ASIC2: variants seen among roughly 807,000 people sequenced by gnomAD.
ASIC2 encodes acid sensing ion channel subunit 2.
Under a neutral mutation model 57.3 loss-of-function variants are expected in ASIC2, and 25 were observed. The observed-to-expected ratio is 0.44, with a 90% CI of 0.32 to 0.61. The LOEUF (loss-of-function observed/expected upper bound fraction) is 0.61, where lower values mean the gene tolerates loss of function less well. ASIC2 is among the 20% of genes least tolerant of loss of function. The pLI, the probability that ASIC2 is intolerant of heterozygous loss-of-function variation, is 0.06. For synonymous variants in ASIC2, 319 were observed against 307.5 expected, an observed-to-expected ratio of 1.04 and a Z score of -0.39; for missense variants, 641 against 738.1, an observed-to-expected ratio of 0.87 and a Z score of 1.52.
intron 1 of ASIC2, among the ~76,000 whole-genome samples, chr17:33,390,106 A>G (rs1909836807): frequency 2.0e-5 from 3 of 152,030 alleles, no homozygotes; most frequent in Non-Finnish European, 4.4e-5. Flanking sequence ...TGAGGTCAGG[A>G]GTTTGAGACT....
chr17:33,087,237 G>T (rs2092137830), intron 3 of ASIC2, among the ~76,000 whole-genome samples: 1 of 152,086 alleles, frequency 6.6e-6, no homozygotes, highest in African/African-American at 2.4e-5. Context: ...CTTGAACTTT[G>T]CCCCTGCCAT....
chr17:33,380,455 C>T (rs930303973), intron 1 of ASIC2, among the ~76,000 whole-genome samples: 1 of 152,116 alleles, frequency 6.6e-6, no homozygotes, highest in Admixed American at 6.5e-5. Flanking sequence ...TTACCTTCAT[C>T]TTATGCAGGA....
chr17:33,694,331 C>T (rs1051402181), intron 1 of ASIC2, among the ~76,000 whole-genome samples: 1 of 152,206 alleles, frequency 6.6e-6, no homozygotes, highest in African/African-American at 2.4e-5. Context: ...GCCCTGATGT[C>T]TTACCCTGGG....
intron 1 of ASIC2, among the ~76,000 whole-genome samples, chr17:33,421,024 A>G (rs1435207913): frequency 6.6e-6 from 1 of 152,204 alleles, no homozygotes; most frequent in Non-Finnish European, 1.5e-5. Flanking sequence ...GAAAGCACTC[A>G]TGTAATGGAG....
At chr17:33,659,826 C>T (rs374949599) in intron 1 of ASIC2, among the ~76,000 whole-genome samples, 66 of 151,492 alleles carry the variant, frequency 4.4e-4, no homozygotes, top group African/African-American at 1.6e-3. Context: ...GAGCCGAGAT[C>T]GCGCCACTGC....
At chr17:33,106,710 G>A (rs940734683) in intron 2 of ASIC2, among the ~76,000 whole-genome samples, 3 of 152,030 alleles carry the variant, frequency 2.0e-5, no homozygotes, top group African/African-American at 4.8e-5. Flanking sequence ...GTCCAGGGGC[G>A]GGCACCTGAC....
At chr17:33,430,239 A>G (rs566740825) in intron 1 of ASIC2, among the ~76,000 whole-genome samples, 2 of 152,180 alleles carry the variant, frequency 1.3e-5, no homozygotes, top group East Asian at 3.9e-4. Flanking sequence ...TCTCTTATGA[A>G]CTGCATCCAC....
At chr17:33,266,723 T>A (rs1029719480) in intron 1 of ASIC2, among the ~76,000 whole-genome samples, 2 of 152,104 alleles carry the variant, frequency 1.3e-5, no homozygotes, top group Non-Finnish European at 2.9e-5. Context: ...TGCCTTTTAA[T>A]TATTCAATGA....
At chr17:33,202,314 G>A (rs1906899642) in intron 1 of ASIC2, among the ~76,000 whole-genome samples, 1 of 152,242 alleles carries the variant, frequency 6.6e-6, no homozygotes, top group African/African-American at 2.4e-5. Context: ...TGCGTGATGA[G>A]TTTGGGAGGG....
chr17:34,110,543 G>A lies in ASIC2; in HGVS notation c.555+45435C>T, dbSNP rs12940995. On this transcript the variant is annotated intron_variant, in intron 1 of 9. Coordinates refer to the ASIC2 transcript ENST00000359872. ...GCTGCCCTGGGCTGTAGCTGCAGAG[G>A]GCTGGCTGGGGAGGGAGGGCTCAGC... Among the ~76,000 whole-genome samples, 952 of 152,290 alleles carry A rather than the reference G, an allele frequency of 6.3e-3. 15 individuals are homozygous for A. Among genetic ancestry groups the A allele is most frequent in the African/African-American group, 0.022 (914 of 41,560 alleles).
chr17:33,526,532 T>C (rs1486113645), intron 1 of ASIC2, among the ~76,000 whole-genome samples: 1 of 152,188 alleles, frequency 6.6e-6, no homozygotes, highest in East Asian at 1.9e-4. Context: ...GGGCTTTCTC[T>C]CCACTTGTTT....
In ASIC2 at chr17:33,606,819, C is replaced by T. The variant is rs937342864; in HGVS notation, c.556-494752G>A. Among the ~76,000 whole-genome samples the T allele has an allele frequency of 9.8e-5, 15 of 152,316 alleles. 1 individual carries two copies. Among genetic ancestry groups the T allele is most frequent in the Middle Eastern group, 3.4e-3 (1 of 294 alleles). The stretch of plus-strand genomic sequence containing the variant: ...GAAGGCAAGATGCCAACAAAGGGGG[C>T]TGAGAACTCCAACCCAGGGTCTGGA... On this transcript the variant is annotated intron_variant, in intron 1 of 9. Coordinates refer to the ASIC2 transcript ENST00000359872.
chr17:33,964,148 C>A (rs980057550), intron 1 of ASIC2, among the ~76,000 whole-genome samples: 2 of 152,226 alleles, frequency 1.3e-5, no homozygotes, highest in African/African-American at 4.8e-5. Context: ...TCCCTGGAAA[C>A]CACTACCCAT....
intron 1 of ASIC2, among the ~76,000 whole-genome samples, chr17:33,871,963 G>T (rs997125153): frequency 1.3e-5 from 2 of 151,992 alleles, no homozygotes; most frequent in African/African-American, 4.8e-5. Flanking sequence ...CAAGGAGGGG[G>T]CTCATGTTCT....
intron 1 of ASIC2, among the ~76,000 whole-genome samples, chr17:33,268,152 T>C (rs1909543541): frequency 6.6e-6 from 1 of 152,164 alleles, no homozygotes; most frequent in African/African-American, 2.4e-5. Flanking sequence ...ATTGCCCCTG[T>C]ATATCATTTC....
intron 1 of ASIC2, among the ~76,000 whole-genome samples, chr17:33,491,947 G>C (rs1393054101): frequency 6.6e-6 from 1 of 152,182 alleles, no homozygotes; most frequent in South Asian, 2.1e-4. Context: ...TTCCAGGAAA[G>C]AGCTGAGCAA....
At chr17:33,383,104 A>T (rs569002219) in intron 1 of ASIC2, among the ~76,000 whole-genome samples, 1 of 152,284 alleles carries the variant, frequency 6.6e-6, no homozygotes, top group Non-Finnish European at 1.5e-5. Flanking sequence ...TTCAAGACCT[A>T]CCTCAGATGT....
chr17:33,495,155 C>T (rs1052127823), intron 1 of ASIC2, among the ~76,000 whole-genome samples: 3 of 152,184 alleles, frequency 2.0e-5, no homozygotes, highest in African/African-American at 7.2e-5. Flanking sequence ...TGTCCAAATG[C>T]AAGTTCTGCC....
rs1905584943 is a variant in ASIC2, at chr17:33,172,962, C to T, written c.709-60895G>A. On this transcript the variant is annotated intron_variant, in intron 1 of 9. Coordinates refer to ENST00000225823, the MANE Select transcript of ASIC2 (RefSeq NM_183377.2). ...AGCTAGAATCCTGGCTGCTCCTGTG[C>T]CTGGCTGTGGGCCCATGATCCCATT... Among the ~76,000 whole-genome samples, 6 of 147,978 alleles carry T rather than the reference C, an allele frequency of 4.1e-5. No individual in the cohort carries two copies. In the South Asian group the frequency reaches 1.1e-3, roughly 26 times the overall value.
Sources: allele counts gnomAD v4.1 joint callset (sites outside exome capture counted in the v4.1 genomes callset), GRCh38; gene constraint gnomAD v4.1.1; transcripts MANE v1.5; gene names NCBI Gene and HGNC (gene_info 2026-07-23, HGNC 2026-07-21).